The following UTP20 variants were observed in gnomAD, a reference collection of about 807,000 sequenced individuals.
UTP20 encodes UTP20 small subunit processome component.
A neutral mutation model predicts 329.5 loss-of-function variants in UTP20; 164 were observed. The observed-to-expected ratio is 0.50, with a 90% confidence interval of 0.44 to 0.57. UTP20 has a LOEUF of 0.57. UTP20 is among the 20% of genes least tolerant of loss of function. The probability of loss-of-function intolerance (pLI) is 0.00; values close to 1 mark genes in which losing one functional copy is unlikely to be tolerated. For synonymous variants in UTP20, 1,151 were observed against 1,159.3 expected, an observed-to-expected ratio of 0.99 and a Z score of 0.14; for missense variants, 3,055 against 3,284.2, an observed-to-expected ratio of 0.93 and a Z score of 1.71.
intron 11 of UTP20, among the ~76,000 whole-genome samples, chr12:101,294,173 C>CT (rs1460235794): frequency 7.2e-5 from 11 of 151,970 alleles, no homozygotes; most frequent in South Asian, 4.2e-4. Context: ...GTAGCTGGGA[C>CT]TACAGGCACC....
chr12:101,374,676 A>C (rs1565808447), intron 54 of UTP20, 132 bp from the exon 55 acceptor site: 4 of 600,412 alleles, frequency 6.7e-6, no homozygotes, highest in Non-Finnish European at 1.2e-5. Flanking sequence ...TAATTTACTG[A>C]TTTCTGGCAT....
At chr12:101,372,654 T>C (rs892518697) in intron 51 of UTP20, among the ~76,000 whole-genome samples, 2 of 152,246 alleles carry the variant, frequency 1.3e-5, no homozygotes, top group Non-Finnish European at 2.9e-5. Flanking sequence ...AGGCCAGGGC[T>C]TGCCTCTGTC....
At chr12:101,318,062 G>T (rs928034892) in intron 22 of UTP20, among the ~76,000 whole-genome samples, 1 of 152,124 alleles carries the variant, frequency 6.6e-6, no homozygotes, top group Non-Finnish European at 1.5e-5. Context: ...AAGCATGTTA[G>T]CAATTTTTTT....
intron 43 of UTP20, among the ~76,000 whole-genome samples, chr12:101,361,619 T>A (rs1428837532): frequency 6.7e-6 from 1 of 148,768 alleles, no homozygotes; most frequent in African/African-American, 2.5e-5. Context: ...AGAGCAACAC[T>A]CTGTCTCAAA....
At chr12:101,372,855 A>G (rs1870338342) in intron 51 of UTP20, 29 bp from the exon 52 acceptor site, 1 of 1,580,490 alleles carries the variant, frequency 6.3e-7, no homozygotes, top group East Asian at 2.2e-5. Context: ...TGAGATCCAA[A>G]TAATCATCTG....
chr12:101,289,372 A>T (rs905800215), intron 6 of UTP20, among the ~76,000 whole-genome samples: 2 of 120,682 alleles, frequency 1.7e-5, no homozygotes, highest in African/African-American at 5.3e-5. Context: ...GCAAGACTCC[A>T]TATCACACAC....
chr12:101,365,250 T>C (rs1354333419), intron 45 of UTP20, among the ~76,000 whole-genome samples: 3 of 152,174 alleles, frequency 2.0e-5, no homozygotes, highest in Non-Finnish European at 4.4e-5. Flanking sequence ...CTCACAAGCC[T>C]GCACAGTGGT....
intron 32 of UTP20, among the ~76,000 whole-genome samples, chr12:101,341,035 G>A (rs1869114048): frequency 8.0e-6 from 1 of 124,906 alleles, no homozygotes; most frequent in Non-Finnish European, 1.6e-5. Flanking sequence ...GTGTGCAATG[G>A]CAAAATCTCG....
intron 2 of UTP20, among the ~76,000 whole-genome samples, chr12:101,283,804 C>T (rs1478054259): frequency 1.3e-5 from 2 of 152,166 alleles, no homozygotes; most frequent in Non-Finnish European, 2.9e-5. Context: ...CCTGCCTCAG[C>T]CTCCCACTGT....
chr12:101,373,858 TG>T, intron 54 of UTP20, 91 bp downstream of exon 54: 1 of 1,408,368 alleles, frequency 7.1e-7, no homozygotes, highest in Non-Finnish European at 9.6e-7. Context: ...ACTGTTGAAT[TG>T]GTTTTTTTCC....
chr12:101,292,389 T>C (rs1167800992), intron 10 of UTP20, among the ~76,000 whole-genome samples: 1 of 152,228 alleles, frequency 6.6e-6, no homozygotes, highest in Non-Finnish European at 1.5e-5. Flanking sequence ...TAGAGCTTAC[T>C]GTGTGCTGGG....
intron 11 of UTP20, 39 bp from the exon 12 acceptor site, chr12:101,295,441 A>G (rs1359924220): frequency 1.3e-6 from 2 of 1,490,624 alleles, no homozygotes; most frequent in African/African-American, 1.4e-5. Flanking sequence ...TCTTTATTAT[A>G]TCTGTTAATA....
intron 57 of UTP20, 60 bp downstream of exon 57, chr12:101,379,618 A>T: frequency 2.0e-6 from 3 of 1,530,742 alleles, no homozygotes; most frequent in Non-Finnish European, 2.6e-6. Context: ...CTTCTGGTTC[A>T]TGTAACTATC....
At chr12:101,358,472 T>G (rs1398501455) in intron 43 of UTP20, among the ~76,000 whole-genome samples, 1 of 152,240 alleles carries the variant, frequency 6.6e-6, no homozygotes, top group Non-Finnish European at 1.5e-5. Context: ...CTGTTCTTCC[T>G]TCATTTCTGA....
In UTP20 at chr12:101,345,667, C is replaced by T. The variant is rs1198801690; in HGVS notation, c.4719C>T (p.Asp1573=). 1.2e-6 allele frequency: 2 copies of T among 1,610,712 alleles called. No homozygotes were observed. The highest frequency in any genetic ancestry group is 1.7e-5 in the Admixed American group (1 of 59,110). ...QLTHYHDPEM[D]FFENMKHIQI... ...CTCATTACCATGACCCAGAAATGGA[C>T]TTCTTTGAGAACATGAAGCACATTC... The change falls in exon 37 of 62, where the codon GAC becomes GAT. Residue 1573 remains aspartate (D), a synonymous_variant. Coordinates refer to ENST00000261637, the MANE Select transcript of UTP20 (RefSeq NM_014503.3).
chr12:101,292,417 A>G (rs17413512), intron 10 of UTP20, among the ~76,000 whole-genome samples: 17,326 of 152,270 alleles, frequency 0.11, 1,292 homozygotes, highest in Non-Finnish European at 0.16. Context: ...TGGCTATTCC[A>G]GGGTAAACAG....
At chr12:101,361,519 G>A (rs1869916625) in intron 43 of UTP20, among the ~76,000 whole-genome samples, 1 of 151,890 alleles carries the variant, frequency 6.6e-6, no homozygotes, top group African/African-American at 2.4e-5. Context: ...CTAGCTACTC[G>A]GGAGGCTGAG....
Position 101,340,565 on chromosome 12 carries a change from C to T in UTP20, c.4056C>T (p.Leu1352=). 1 of 1,611,868 alleles carries T rather than the reference C, an allele frequency of 6.2e-7. No homozygotes were observed. The highest frequency in any genetic ancestry group is 1.3e-5 in the African/African-American group (1 of 74,912). ...AAGACAAAGAACAAAGTTCTGTACTCATTACGCTTCTCCTTCCATTCCTCC... is the reference window on the plus strand; with the variant it reads ...AAGACAAAGAACAAAGTTCTGTACTTATTACGCTTCTCCTTCCATTCCTCC... ...FMKDKEQSSV[L]ITLLLPFLHR... is the part of the protein sequence containing the mutation. The change falls in exon 32 of 62, where the codon CTC becomes CTT. Residue 1352 remains leucine (L), a synonymous_variant. Transcript: ENST00000261637.
chr12:101,308,393 C>G (rs372720641), intron 18 of UTP20, 50 bp downstream of exon 18: 1 of 1,313,348 alleles, frequency 7.6e-7, no homozygotes, highest in Non-Finnish European at 9.7e-7. Context: ...GCTTTAAATC[C>G]TGTTTGGGGA....
Sources: allele counts gnomAD v4.1 joint callset (sites outside exome capture counted in the v4.1 genomes callset), GRCh38; gene constraint gnomAD v4.1.1; transcripts MANE v1.5; gene names NCBI Gene and HGNC (gene_info 2026-07-23, HGNC 2026-07-21).